THBS4: variants seen among roughly 807,000 people sequenced by gnomAD.
THBS4 encodes the protein thrombospondin 4.
A neutral mutation model predicts 115.7 loss-of-function variants in THBS4; 90 were observed. The ratio of observed to expected loss-of-function variants is 0.78; its 90% CI spans 0.66 to 0.93. THBS4 has a LOEUF of 0.93. Among genes scored for constraint, THBS4 ranks in the 40% least tolerant of loss-of-function variants. The pLI is 0.00. For missense variants in THBS4, 1,087 were observed against 1,232.7 expected (o/e 0.88, Z 1.77); for synonymous variants, 460 against 479.3 (o/e 0.96, Z 0.53).
At chr5:80,080,579 C>CTTTTTTTTTATTTTTTTTTTTTTTT (rs1743445493) in intron 20 of THBS4, among the ~76,000 whole-genome samples, 1 of 50,464 alleles carries the variant, frequency 2.0e-5, no homozygotes. Context: ...GCGCTTGTAT[C>CTTTTTTTTTATTTTTTTTTTTTTTT]TTTTTTTTTT....
intron 2 of THBS4, among the ~76,000 whole-genome samples, chr5:80,047,394 T>G (rs1425113271): frequency 1.3e-5 from 2 of 152,122 alleles, no homozygotes; most frequent in Non-Finnish European, 2.9e-5. Flanking sequence ...TTTGGTTTTG[T>G]TTTTTGTTTT....
chr5:80,019,764 G>A lies in THBS4; in HGVS notation n.178-20313G>A, dbSNP rs191746347. On this transcript the variant is annotated intron_variant and non_coding_transcript_variant, in intron 2 of 3. Transcript: ENST00000510218. ...ATCACAGCATGGATCTGCATTGAAT[G>A]TCAAGCTAACCAAGAGTCTGCCACT... The A allele has an allele frequency of 1.8e-3, 343 of 185,994 alleles. 9 individuals carry two copies. Among genetic ancestry groups the A allele is most frequent in the Middle Eastern group, 0.018 (8 of 452 alleles). 11.5% of individuals were successfully genotyped at this position (185,994 alleles called of 1,614,324 possible). A position where few individuals can be genotyped will look rare whatever the true frequency, so the allele number is the denominator to read the frequency against.
upstream of THBS4, among the ~76,000 whole-genome samples, chr5:80,032,667 C>T (rs916962254): frequency 6.6e-6 from 1 of 152,162 alleles, no homozygotes; most frequent in South Asian, 2.1e-4. Context: ...CTAATGTTTG[C>T]GGGCAGGAAG....
intron 9 of THBS4, chr5:80,067,128 A>G (rs1403527714): frequency 3.3e-5 from 5 of 151,952 alleles, no homozygotes; most frequent in Non-Finnish European, 7.4e-5. Context: ...ACTATATTAT[A>G]TATATGAAAT....
chr5:80,028,230 A>G (rs1580923010), intron 2 of THBS4, among the ~76,000 whole-genome samples: 1 of 151,548 alleles, frequency 6.6e-6, no homozygotes, highest in African/African-American at 2.4e-5. Context: ...CAACTTATCT[A>G]CCCTTACCAT....
At chr5:80,071,519 T>G (rs1188023774) in intron 13 of THBS4, among the ~76,000 whole-genome samples, 1 of 152,208 alleles carries the variant, frequency 6.6e-6, no homozygotes, top group South Asian at 2.1e-4. Flanking sequence ...TTTCTACATG[T>G]GAGAGACCCA....
chr5:80,029,954 C>T (rs905857502), intron 2 of THBS4, among the ~76,000 whole-genome samples: 8 of 151,874 alleles, frequency 5.3e-5, no homozygotes, highest in Admixed American at 1.3e-4. Flanking sequence ...TGGGCGACAG[C>T]GAGACTCCAT....
In THBS4 at chr5:80,078,947, C is replaced by G. The variant is rs1384372837; in HGVS notation, c.2292C>G (p.Asn764Lys). The G allele has an allele frequency of 6.2e-7, 1 of 1,614,162 alleles. No individual in the cohort carries two copies. Among genetic ancestry groups the G allele is most frequent in the Admixed American group, 1.7e-5 (1 of 60,024 alleles). Residue 764 changes from asparagine to lysine, a missense_variant, in exon 18 of 22, where the codon AAC becomes AAG. Physicochemically the swap from Asn to Lys is moderately conservative, Grantham distance 94. Around this residue, in one of 3 missense-constraint regions of THBS4, gnomAD observed 979 missense variants for 1,103.7 expected, o/e 0.89. Transcript: ENST00000350881. ...GCATGGAGATTGTACAGACCATGAACAGTGATCCTGGCCTGGCAGTGGGTA... is the reference window on the plus strand; with the variant it reads ...GCATGGAGATTGTACAGACCATGAAGAGTGATCCTGGCCTGGCAGTGGGTA... Reference protein sequence around the residue: ...NQGMEIVQTMNSDPGLAVGYT... With the variant: ...NQGMEIVQTMKSDPGLAVGYT...
At chr5:80,082,933 C>T in intron 21 of THBS4, 147 bp from the exon 22 acceptor site, 1 of 748,062 alleles carries the variant, frequency 1.3e-6, no homozygotes, top group Non-Finnish European at 2.3e-6. Flanking sequence ...GCAAAGCAGC[C>T]TGCAGGAGAA....
At chr5:80,034,978 C>G (rs560120285), upstream of THBS4, among the ~76,000 whole-genome samples, 1 of 152,274 alleles carries the variant, frequency 6.6e-6, no homozygotes, top group South Asian at 2.1e-4. Flanking sequence ...AAAAGGAGCG[C>G]AAGGAGTAGG....
chr5:80,067,975 A>G lies in THBS4; in HGVS notation c.1197A>G (p.Gly399=). 1 of 1,613,964 alleles carries G rather than the reference A, an allele frequency of 6.2e-7. No homozygotes were observed. The highest frequency in any genetic ancestry group is 8.5e-7 in the Non-Finnish European group (1 of 1,179,968). Residue 399 remains glycine, a splice_region_variant and synonymous_variant, in exon 10 of 22, where the codon GGA becomes GGG. Transcript: ENST00000350881. ...CACCTGATCTTTGTTCCTTGCAGGG[A>G]TCTTACCGCTGTGGGCCTTGTAAGC... is the stretch of plus-strand genomic sequence containing the variant. ...VPNSICVNTL[G]SYRCGPCKPG... is the part of the protein sequence containing the mutation.
At chr5:80,033,168 C>A (rs1012798594), upstream of THBS4, 10 of 422,386 alleles carry the variant, frequency 2.4e-5, no homozygotes, top group Admixed American at 1.7e-4. Flanking sequence ...CTGGCATGAT[C>A]AACTCTGTTT....
intron 2 of THBS4, among the ~76,000 whole-genome samples, chr5:80,010,092 C>T (rs979076747): frequency 1.3e-5 from 2 of 152,166 alleles, no homozygotes; most frequent in South Asian, 2.1e-4. Flanking sequence ...ATGATTGGAC[C>T]ACTGCACTGA....
At chr5:80,013,296 C>T (rs1173102051) in intron 2 of THBS4, among the ~76,000 whole-genome samples, 1 of 151,266 alleles carries the variant, frequency 6.6e-6, no homozygotes, top group Non-Finnish European at 1.5e-5. Context: ...CCCACCACTA[C>T]GCCTGCCTAA....
chr5:80,069,875 TG>T (rs1431847573), intron 10 of THBS4, among the ~76,000 whole-genome samples: 1 of 152,142 alleles, frequency 6.6e-6, no homozygotes, highest in East Asian at 1.9e-4. Flanking sequence ...AGCTTTTGGG[TG>T]GTGAGGCCAG....
At chr5:80,008,277 A>G (rs1182274126) in intron 2 of THBS4, among the ~76,000 whole-genome samples, 1 of 152,222 alleles carries the variant, frequency 6.6e-6, no homozygotes, top group African/African-American at 2.4e-5. Flanking sequence ...AACTAAGGCA[A>G]ATGTCTCCAT....
upstream of THBS4, among the ~76,000 whole-genome samples, chr5:80,032,449 G>A (rs1038914655): frequency 6.6e-6 from 1 of 152,178 alleles, no homozygotes; most frequent in Admixed American, 6.5e-5. Flanking sequence ...AGGAAGGGGA[G>A]TTTATTAAGG....
At position 80,082,998 on chromosome 5, in the gene THBS4, G is replaced by A. The variant is rs1743601091; in HGVS notation, c.2825-82G>A. On this transcript the variant is annotated intron_variant, in intron 21 of 21. Transcript: ENST00000350881. ...GGGCGGGCTAACAGCGCCCCCTACA[G>A]GACGCCTGAGCCGCGGGCGGGGGTC... 3.1e-6 allele frequency: 4 copies of A among 1,304,358 alleles called. No individual in the cohort carries two copies. In the African/African-American group the frequency reaches 5.9e-5, roughly 19 times the overall value. The allele number at this position is 1,304,358 out of a possible 1,614,324, so 80.8% of individuals were successfully genotyped here.
intron 2 of THBS4, among the ~76,000 whole-genome samples, chr5:80,043,551 C>A (rs904892973): frequency 6.6e-6 from 1 of 152,148 alleles, no homozygotes; most frequent in African/African-American, 2.4e-5. Flanking sequence ...CTTAAAACAC[C>A]TGAGTAGGAA....
Sources: gnomAD v4.1 joint callset for allele counts (sites outside exome capture counted in the v4.1 genomes callset) on GRCh38, gnomAD v4.1.1 for gene constraint, gnomAD v4.1.1 regional missense constraint, MANE v1.5 for transcripts, NCBI Gene and HGNC (gene_info 2026-07-23, HGNC 2026-07-21) for gene names.